ARIH2: variants seen among roughly 807,000 people sequenced by gnomAD.
The protein encoded by ARIH2 is ariadne RBR E3 ubiquitin protein ligase 2.
A neutral mutation model predicts 79.8 loss-of-function variants in ARIH2; 12 were observed. The ratio of observed to expected loss-of-function variants is 0.15; its 90% CI spans 0.10 to 0.24. The LOEUF is 0.24. ARIH2 is among the 10% of genes least tolerant of loss of function. The pLI is 1.00. For missense variants in ARIH2, 301 were observed against 618.3 expected (o/e 0.49, Z 5.44); for synonymous variants, 224 against 213.9 (o/e 1.05, Z -0.41).
chr3:48,967,174 T>C lies in ARIH2; in HGVS notation c.437T>C (p.Val146Ala). The C allele has an allele frequency of 6.2e-7, 1 of 1,614,216 alleles. No homozygotes were observed. The highest frequency in any genetic ancestry group is 8.5e-7 in the Non-Finnish European group (1 of 1,180,042). Residue 146 changes from valine to alanine, a missense_variant, in exon 6 of 16, where the codon GTG (valine) becomes GCG (alanine). Around this residue, in one of 2 missense-constraint regions of ARIH2, gnomAD observed 223 missense variants for 349.4 expected, o/e 0.64. Coordinates refer to ENST00000356401, the MANE Select transcript of ARIH2 (RefSeq NM_006321.4). ...CACTGTGCAGTGTGTATGCAGTTTG[T>C]GCGAAAGGAAAACCTACTCTCTCTG... ...PHHCAVCMQF[V>A]RKENLLSLAC...
In ARIH2 at chr3:48,963,324, A is replaced by G. The variant is rs368700614; in HGVS notation, c.324-1595A>G. Among the ~76,000 whole-genome samples the G allele has an allele frequency of 1.2e-4, 18 of 152,324 alleles. No individual in the cohort carries two copies. The East Asian group carries it at 2.5e-3, about 21-fold the overall frequency. ...TATCTCTCACTGCCCACACTCTTTCAGCATAACTCAGGAGTGGAGATTTGG... is the reference window on the plus strand; with the variant it reads ...TATCTCTCACTGCCCACACTCTTTCGGCATAACTCAGGAGTGGAGATTTGG... On this transcript the variant is annotated intron_variant, in intron 4 of 15. Coordinates refer to ENST00000356401, the MANE Select transcript of ARIH2 (RefSeq NM_006321.4).
chr3:48,970,941 C>G, intron 8 of ARIH2: 1 of 409,034 alleles, frequency 2.4e-6, no homozygotes, highest in Non-Finnish European at 4.5e-6. Context: ...TGTGTTGTGG[C>G]TTATGCTACT....
At chr3:48,934,806 C>T in intron 3 of ARIH2, 1 of 985,380 alleles carries the variant, frequency 1.0e-6, no homozygotes, top group Non-Finnish European at 1.2e-6. Context: ...TCGCTGTGTA[C>T]CTGATACCAT....
intron 3 of ARIH2, among the ~76,000 whole-genome samples, chr3:48,940,790 G>A (rs1243544651): frequency 1.1e-4 from 6 of 53,608 alleles, no homozygotes; most frequent in East Asian, 1.1e-3. Context: ...GGGAGACTCC[G>A]TCTCAAAAAA....
chr3:48,965,832 A>G (rs753039539), intron 5 of ARIH2, among the ~76,000 whole-genome samples: 1 of 151,988 alleles, frequency 6.6e-6, no homozygotes, highest in Non-Finnish European at 1.5e-5. Context: ...CTGGTGGCGC[A>G]TGCCTGTAAT....
intron 4 of ARIH2, 66 bp from the exon 5 acceptor site, chr3:48,964,853 T>TTA: frequency 8.0e-7 from 1 of 1,251,612 alleles, no homozygotes; most frequent in Non-Finnish European, 1.2e-6. Flanking sequence ...CTCTGTCCTG[T>TTA]TATTGTTCAG....
In ARIH2 at chr3:48,982,878, C is replaced by G; in HGVS notation, c.1327-18C>G. 6.2e-7 allele frequency: 1 copy of G among 1,612,148 alleles called. No individual in the cohort carries two copies. The highest frequency in any genetic ancestry group is 8.5e-7 in the Non-Finnish European group (1 of 1,178,220). ...CACAGCCCACTCACCTTTTGACCCT[C>G]CTGCTCTGCCTATACAGTTTGAATA... On this transcript the variant is annotated intron_variant, in intron 14 of 15. Coordinates refer to ENST00000356401, the MANE Select transcript of ARIH2 (RefSeq NM_006321.4).
At chr3:48,938,753 A>G (rs2087543267) in intron 3 of ARIH2, among the ~76,000 whole-genome samples, 1 of 152,060 alleles carries the variant, frequency 6.6e-6, no homozygotes, top group Non-Finnish European at 1.5e-5. Context: ...GTCTGGGGAC[A>G]TCATTACAAA....
At chr3:48,939,757 C>CAAAAAAAAAAAA (rs1190260583) in intron 3 of ARIH2, among the ~76,000 whole-genome samples, 3 of 43,538 alleles carry the variant, frequency 6.9e-5, no homozygotes, top group Non-Finnish European at 1.3e-4. Context: ...GACTCCATCT[C>CAAAAAAAAAAAA]AAAAAAAAAA....
chr3:48,970,757 A>G, intron 8 of ARIH2, 53 bp downstream of exon 8: 1 of 1,375,570 alleles, frequency 7.3e-7, no homozygotes. Context: ...CCATCCTCCA[A>G]AGCACCACTG....
intron 3 of ARIH2, among the ~76,000 whole-genome samples, chr3:48,938,307 T>C (rs993181712): frequency 6.6e-6 from 1 of 152,236 alleles, no homozygotes; most frequent in Admixed American, 6.5e-5. Context: ...CTTCTTCTGT[T>C]TGTTTTGGTA....
intron 3 of ARIH2, among the ~76,000 whole-genome samples, chr3:48,952,361 T>C (rs2090073566): frequency 2.6e-5 from 4 of 152,164 alleles, no homozygotes. Context: ...TACTAAGGCA[T>C]ATAAAGTTTG....
Position 48,981,331 on chromosome 3 carries a change from C to CA in ARIH2, c.1258-315dup, listed in dbSNP as rs36083806. On this transcript the variant is annotated intron_variant, in intron 13 of 15. Transcript: ENST00000356401. Reference sequence around the variant, plus strand: ...TGGGCAACAGAACAAAACCTTGTTTCAAAAAAAAAAAAAAGGTTGTCTTTG... The same window carrying CA: ...TGGGCAACAGAACAAAACCTTGTTTCAAAAAAAAAAAAAAAGGTTGTCTTTG... Among the ~76,000 whole-genome samples, 1,006 of 115,548 alleles carry CA rather than the reference C, an allele frequency of 8.7e-3. 6 individuals carry two copies. Among genetic ancestry groups the CA allele is most frequent in the East Asian group, 0.037 (153 of 4,160 alleles). 75.8% of individuals were successfully genotyped at this position (115,548 alleles called of 152,430 possible). A position where few individuals can be genotyped will look rare whatever the true frequency, so the allele number is the denominator to read the frequency against.
At chr3:48,957,564 C>A (rs549631508) in intron 3 of ARIH2, among the ~76,000 whole-genome samples, 1 of 152,216 alleles carries the variant, frequency 6.6e-6, no homozygotes, top group South Asian at 2.1e-4. Context: ...TTTGCTAGGA[C>A]TTGGTGGTCA....
intron 3 of ARIH2, among the ~76,000 whole-genome samples, chr3:48,944,209 A>G (rs914200519): frequency 1.3e-5 from 2 of 152,146 alleles, no homozygotes; most frequent in Admixed American, 6.5e-5. Context: ...GAATGGAGAC[A>G]TAGTGGGTCT....
intron 6 of ARIH2, 109 bp downstream of exon 6, chr3:48,967,384 G>A: frequency 1.6e-6 from 2 of 1,248,190 alleles, no homozygotes; most frequent in East Asian, 2.4e-5. Flanking sequence ...CCTGATTGGG[G>A]TTTTTATCAT....
chr3:48,948,337 C>T (rs1004551711), intron 3 of ARIH2, among the ~76,000 whole-genome samples: 33 of 152,046 alleles, frequency 2.2e-4, no homozygotes, highest in Non-Finnish European at 4.1e-4. Flanking sequence ...GGCGCGATCT[C>T]GGCTCACCGC....
chr3:48,984,536 A>G lies in ARIH2; in HGVS notation c.*1266A>G, dbSNP rs540998518. 8 of 152,402 alleles carry G rather than the reference A, an allele frequency of 5.2e-5. No individual in the cohort carries two copies. The highest frequency in any genetic ancestry group is 5.9e-5 in the Non-Finnish European group (4 of 68,054). The allele number at this position is 152,402 out of a possible 1,614,324, so 9.4% of individuals were successfully genotyped here. A position where few individuals can be genotyped will look rare whatever the true frequency, so the allele number is the denominator to read the frequency against. ...AGAGGAACAGACCAGCTTTTGCACA[A>G]TGAAGCGCAAGGGAACAAGTGGTTT... On this transcript the variant is annotated 3_prime_UTR_variant, in exon 16 of 16. Coordinates refer to ENST00000356401, the MANE Select transcript of ARIH2 (RefSeq NM_006321.4).
At chr3:48,936,713 A>G (rs556177026) in intron 3 of ARIH2, among the ~76,000 whole-genome samples, 36 of 152,086 alleles carry the variant, frequency 2.4e-4, no homozygotes, top group South Asian at 4.2e-4. Context: ...AGCCTTGGCA[A>G]CAGAGCGAGA....
Sources: gnomAD v4.1 joint callset for allele counts (sites outside exome capture counted in the v4.1 genomes callset) on GRCh38, gnomAD v4.1.1 for gene constraint, gnomAD v4.1.1 regional missense constraint, MANE v1.5 for transcripts, NCBI Gene and HGNC (gene_info 2026-07-23, HGNC 2026-07-21) for gene names.